The following DLGAP2 variants were observed in gnomAD, a reference collection of about 807,000 sequenced individuals.
The protein encoded by DLGAP2 is disks large-associated protein 2.
A neutral mutation model predicts 100.3 loss-of-function variants in DLGAP2; 26 were observed. The ratio of observed to expected loss-of-function variants is 0.26; its 90% CI spans 0.19 to 0.36. DLGAP2 has a LOEUF of 0.36. DLGAP2 is among the 10% of genes least tolerant of loss of function. The probability of loss-of-function intolerance (pLI) is 1.00; values close to 1 mark genes in which losing one functional copy is unlikely to be tolerated. For missense variants in DLGAP2, 1,858 were observed against 1,453.2 expected, an observed-to-expected ratio of 1.28 and a Z score of -4.53; for synonymous variants, 886 against 630.1, an observed-to-expected ratio of 1.41 and a Z score of -6.08.
intron 1 of DLGAP2, among the ~76,000 whole-genome samples, chr8:868,341 A>G (rs1001115905): frequency 1.8e-4 from 28 of 152,276 alleles, no homozygotes; most frequent in African/African-American, 6.3e-4. Context: ...CCACATGTGG[A>G]TGCATGTACT....
intron 3 of DLGAP2, among the ~76,000 whole-genome samples, chr8:1,489,683 T>C (rs1379342097): frequency 6.6e-6 from 1 of 152,240 alleles, no homozygotes; most frequent in African/African-American, 2.4e-5. Context: ...TCAGAGCCCA[T>C]CGCTGTGAGC....
chr8:1,107,759 G>T (rs1364636002), intron 2 of DLGAP2, among the ~76,000 whole-genome samples: 1 of 152,180 alleles, frequency 6.6e-6, no homozygotes, highest in Non-Finnish European at 1.5e-5. Flanking sequence ...CAGGGACTCT[G>T]TTCTCCATCC....
intron 2 of DLGAP2, among the ~76,000 whole-genome samples, chr8:1,040,280 A>C: frequency 9.7e-6 from 1 of 103,626 alleles, no homozygotes. Flanking sequence ...GTGCGTGGTC[A>C]GCTCGGGTTC....
At chr8:816,706 A>T (rs1249657608) in intron 1 of DLGAP2, among the ~76,000 whole-genome samples, 1 of 152,092 alleles carries the variant, frequency 6.6e-6, no homozygotes, top group Non-Finnish European at 1.5e-5. Flanking sequence ...TAAGGTGATG[A>T]TCTTTTTGTG....
chr8:1,084,085 T>C (rs902319410), intron 2 of DLGAP2, among the ~76,000 whole-genome samples: 2 of 152,194 alleles, frequency 1.3e-5, no homozygotes, highest in African/African-American at 2.4e-5. Flanking sequence ...TTATTATTTG[T>C]ATGTACTCTT....
intron 2 of DLGAP2, among the ~76,000 whole-genome samples, chr8:1,222,812 G>C (rs918995065): frequency 5.3e-5 from 8 of 152,122 alleles, no homozygotes. Context: ...TGCTGCAAGT[G>C]GGTGCATCCA....
intron 8 of DLGAP2, among the ~76,000 whole-genome samples, chr8:1,640,280 A>C (rs1797865776): frequency 6.6e-6 from 1 of 151,978 alleles, no homozygotes. Context: ...TCACCCTGGG[A>C]AGCCCAGGTG....
chr8:1,229,507 G>A lies in DLGAP2; in HGVS notation c.74-29344G>A, dbSNP rs1798489685. ...TTCCTCTAGATTTTCTAGTTTGTGT[G>A]TGTAGAGGTTTCATAATAGTCTCTG... On this transcript the variant is annotated intron_variant, in intron 2 of 14. Transcript: ENST00000637795. Among the ~76,000 whole-genome samples the A allele has an allele frequency of 2.0e-5, 3 of 151,982 alleles. No homozygotes were observed. The South Asian group carries it at 6.2e-4, about 32-fold the overall frequency.
intron 1 of DLGAP2, among the ~76,000 whole-genome samples, chr8:833,407 C>A (rs956600402): frequency 1.3e-5 from 2 of 152,204 alleles, no homozygotes; most frequent in African/African-American, 2.4e-5. Context: ...GCCAGCTCCT[C>A]TTGAGGTTCT....
At chr8:1,688,093 C>T (rs1490194201) in intron 12 of DLGAP2, among the ~76,000 whole-genome samples, 2 of 152,102 alleles carry the variant, frequency 1.3e-5, no homozygotes, top group Non-Finnish European at 2.9e-5. Context: ...ACTCAAACCC[C>T]ACCGCCTCCA....
chr8:1,507,454 G>A (rs147588721), intron 4 of DLGAP2, among the ~76,000 whole-genome samples: 4 of 152,254 alleles, frequency 2.6e-5, no homozygotes, highest in Non-Finnish European at 5.9e-5. Context: ...GTGCGGGGCC[G>A]CGGAGCCCGC....
At chr8:862,250 C>G (rs571076244) in intron 1 of DLGAP2, among the ~76,000 whole-genome samples, 8 of 151,732 alleles carry the variant, frequency 5.3e-5, no homozygotes, top group Non-Finnish European at 1.2e-4. Flanking sequence ...GTACCCTTTT[C>G]TCAGGTGTCT....
chr8:1,309,395 C>A (rs184711403), intron 3 of DLGAP2, among the ~76,000 whole-genome samples: 36 of 152,034 alleles, frequency 2.4e-4, no homozygotes, highest in Middle Eastern at 3.4e-3. Context: ...ATTTATTTTC[C>A]AGAAAAAGCT....
chr8:1,222,554 C>T (rs1405320711), intron 2 of DLGAP2, among the ~76,000 whole-genome samples: 3 of 151,640 alleles, frequency 2.0e-5, no homozygotes, highest in Admixed American at 1.3e-4. Flanking sequence ...CGTAAGTGCA[C>T]ATGCATGTAT....
chr8:1,066,004 G>A (rs1803233423), intron 2 of DLGAP2, among the ~76,000 whole-genome samples: 1 of 152,356 alleles, frequency 6.6e-6, no homozygotes, highest in East Asian at 1.9e-4. Context: ...ACGTCGTGGT[G>A]GTGTCCAGGC....
At chr8:1,231,472 C>G (rs999296071) in intron 2 of DLGAP2, among the ~76,000 whole-genome samples, 1 of 152,076 alleles carries the variant, frequency 6.6e-6, no homozygotes, top group Non-Finnish European at 1.5e-5. Flanking sequence ...CGCAGCAATC[C>G]CATTACTGGC....
At chr8:1,600,974 C>T (rs957081208) in intron 6 of DLGAP2, among the ~76,000 whole-genome samples, 2 of 152,310 alleles carry the variant, frequency 1.3e-5, no homozygotes, top group South Asian at 2.1e-4. Flanking sequence ...AATTTTCAAC[C>T]TTGTTGTGCT....
chr8:1,260,386 C>G (rs184361689), intron 3 of DLGAP2, among the ~76,000 whole-genome samples: 4 of 152,184 alleles, frequency 2.6e-5, no homozygotes, highest in African/African-American at 4.8e-5. Flanking sequence ...CACATTGCAT[C>G]TTGCTCTTCG....
intron 1 of DLGAP2, among the ~76,000 whole-genome samples, chr8:849,482 G>A (rs987052512): frequency 2.0e-5 from 3 of 152,200 alleles, no homozygotes; most frequent in Admixed American, 1.3e-4. Context: ...GGATGGGAGT[G>A]GCTGTGTCAA....
Sources: gnomAD v4.1 joint callset for allele counts (sites outside exome capture counted in the v4.1 genomes callset) on GRCh38, gnomAD v4.1.1 for gene constraint, MANE v1.5 for transcripts, NCBI Gene and HGNC (gene_info 2026-07-23, HGNC 2026-07-21) for gene names.